Variants in RBPMS observed in about 807,000 individuals in gnomAD.
RBPMS encodes RNA-binding protein with multiple splicing.
Under a neutral mutation model 26.8 loss-of-function variants are expected in RBPMS, and 7 were observed. That is an observed-to-expected ratio of 0.26 (90% confidence interval 0.15 to 0.49). The LOEUF (loss-of-function observed/expected upper bound fraction) is 0.49. Among genes scored for constraint, RBPMS ranks in the 20% least tolerant of loss-of-function variants. The pLI is 0.98. For missense variants in RBPMS, 186 were observed against 250.0 expected, an observed-to-expected ratio of 0.74 and a Z score of 1.73; for synonymous variants, 96 against 93.3, an observed-to-expected ratio of 1.03 and a Z score of -0.17.
rs547611915 is a variant in RBPMS at position 30,515,697 on chromosome 8, T to C, written c.397+11261T>C. On this transcript the variant is annotated intron_variant, in intron 5 of 8. Transcript: ENST00000397323. ...AGAGATGGGGGTCTTACTTTGTTCT[T>C]CAGGCTAGAGTGCAGTGATGCCATC... 1.2e-3 allele frequency among the ~76,000 whole-genome samples: 179 copies of C among 152,286 alleles called. 1 individual carries two copies. Among genetic ancestry groups the C allele is most frequent in the South Asian group, 6.4e-3 (31 of 4,828 alleles).
At chr8:30,520,330 T>TG (rs973233753) in intron 5 of RBPMS, among the ~76,000 whole-genome samples, 13 of 152,276 alleles carry the variant, frequency 8.5e-5, no homozygotes, top group African/African-American at 2.6e-4. Context: ...CACTGTTTTG[T>TG]GGGGGGTTGT....
intron 1 of RBPMS, among the ~76,000 whole-genome samples, chr8:30,468,945 T>C (rs1315108752): frequency 6.6e-6 from 1 of 152,184 alleles, no homozygotes; most frequent in Non-Finnish European, 1.5e-5. Context: ...CATTAGAAGA[T>C]AGTTATCCTT....
At chr8:30,418,221 A>G (rs542829108) in intron 1 of RBPMS, among the ~76,000 whole-genome samples, 10 of 152,308 alleles carry the variant, frequency 6.6e-5, no homozygotes, top group South Asian at 4.1e-4. Context: ...CCATTTCTCA[A>G]TACCCTTTCT....
At chr8:30,461,535 C>T (rs1396984693) in intron 1 of RBPMS, among the ~76,000 whole-genome samples, 3 of 152,180 alleles carry the variant, frequency 2.0e-5, no homozygotes, top group Non-Finnish European at 4.4e-5. Context: ...GCTGGAACTA[C>T]AGGCGCGTGC....
chr8:30,411,765 CG>C (rs1286935855), intron 1 of RBPMS, among the ~76,000 whole-genome samples: 4 of 151,708 alleles, frequency 2.6e-5, no homozygotes, highest in African/African-American at 9.7e-5. Flanking sequence ...GGGTGGATCA[CG>C]AGGTCAGGAG....
intron 7 of RBPMS, 73 bp from the exon 8 acceptor site, chr8:30,566,179 AGGCCG>A: frequency 3.8e-6 from 3 of 792,790 alleles, no homozygotes; most frequent in Non-Finnish European, 4.6e-6. Context: ...CCCTCAGAAC[AGGCCG>A]GTCTTCAAGA....
intron 1 of RBPMS, among the ~76,000 whole-genome samples, chr8:30,386,719 T>C (rs2150528098): frequency 6.6e-6 from 1 of 152,330 alleles, no homozygotes; most frequent in African/African-American, 2.4e-5. Flanking sequence ...TTACCATATT[T>C]AACTAATTCA....
intron 6 of RBPMS, among the ~76,000 whole-genome samples, chr8:30,554,627 C>T (rs910633743): frequency 6.6e-6 from 1 of 151,946 alleles, no homozygotes; most frequent in African/African-American, 2.4e-5. Context: ...CTGGTGATCA[C>T]CTGGGGGGCT....
intron 4 of RBPMS, among the ~76,000 whole-genome samples, chr8:30,501,259 C>T (rs1179919205): frequency 7.2e-6 from 1 of 138,932 alleles, no homozygotes; most frequent in South Asian, 2.7e-4. Flanking sequence ...TCAGCCACCC[C>T]ACCCCTGACC....
intron 1 of RBPMS, among the ~76,000 whole-genome samples, chr8:30,470,217 C>T (rs1049907194): frequency 1.3e-5 from 2 of 152,064 alleles, no homozygotes; most frequent in East Asian, 1.9e-4. Context: ...AACCCCATCT[C>T]TACTAAAAAT....
chr8:30,542,998 C>T (rs183980888), intron 5 of RBPMS, among the ~76,000 whole-genome samples: 2 of 152,268 alleles, frequency 1.3e-5, no homozygotes, highest in Non-Finnish European at 2.9e-5. Context: ...CTTATTTCTC[C>T]CACCTAGATG....
At chr8:30,429,946 A>G (rs1222047554) in intron 1 of RBPMS, among the ~76,000 whole-genome samples, 2 of 152,238 alleles carry the variant, frequency 1.3e-5, no homozygotes, top group African/African-American at 4.8e-5. Flanking sequence ...ATAGCCATAT[A>G]GTTACAGAAT....
intron 4 of RBPMS, among the ~76,000 whole-genome samples, chr8:30,494,485 C>T (rs1040182817): frequency 2.7e-4 from 41 of 152,160 alleles, no homozygotes; most frequent in African/African-American, 9.7e-4. Context: ...GAAATATGGA[C>T]TATATTCATC....
chr8:30,410,966 G>T (rs933044518), intron 1 of RBPMS, among the ~76,000 whole-genome samples: 3 of 151,998 alleles, frequency 2.0e-5, no homozygotes, highest in Non-Finnish European at 4.4e-5. Context: ...TCTTTAACTC[G>T]TGGGCTCTAG....
intron 6 of RBPMS, chr8:30,545,469 C>T (rs912956283): frequency 6.1e-6 from 6 of 991,380 alleles, no homozygotes; most frequent in East Asian, 1.1e-4. Flanking sequence ...ATAGAAAGTA[C>T]GTACGTAGGT....
intron 1 of RBPMS, among the ~76,000 whole-genome samples, chr8:30,473,636 C>T (rs1817376881): frequency 6.6e-6 from 1 of 152,138 alleles, no homozygotes; most frequent in African/African-American, 2.4e-5. Context: ...TAGGAAGATA[C>T]ATGCACGTGT....
At chr8:30,524,567 C>T (rs983925785) in intron 5 of RBPMS, among the ~76,000 whole-genome samples, 1 of 152,094 alleles carries the variant, frequency 6.6e-6, no homozygotes, top group African/African-American at 2.4e-5. Context: ...GTTATTACCC[C>T]TCTTCATTTT....
chr8:30,446,854 C>CGCGCGCGCGCGCACGT (rs1554515792), intron 1 of RBPMS: 27 of 138,004 alleles, frequency 2.0e-4, no homozygotes, highest in African/African-American at 7.0e-4. Flanking sequence ...CGCGCGCGCG[C>CGCGCGCGCGCGCACGT]GCGCGGTGGA....
chr8:30,562,033 A>G (rs552459105), intron 7 of RBPMS: 2 of 985,404 alleles, frequency 2.0e-6, no homozygotes, highest in Non-Finnish European at 2.4e-6. Context: ...TAAGATCCGA[A>G]TAAGAATATG....
Sources: allele counts gnomAD v4.1 joint callset (sites outside exome capture counted in the v4.1 genomes callset), GRCh38; gene constraint gnomAD v4.1.1; transcripts MANE v1.5; gene names NCBI Gene and HGNC (gene_info 2026-07-23, HGNC 2026-07-21).